The following PEX1 variants were observed in gnomAD, a reference collection of about 807,000 sequenced individuals.
PEX1 encodes the protein peroxisomal biogenesis factor 1, also known as peroxisomal ATPase PEX1.
PEX1 carries 97 observed loss-of-function variants against 152.5 expected under a neutral mutation model. The ratio of observed to expected loss-of-function variants is 0.64; its 90% CI spans 0.54 to 0.75. The LOEUF (loss-of-function observed/expected upper bound fraction) is 0.75, where lower values mean the gene tolerates loss of function less well. PEX1 is among the 30% of genes least tolerant of loss of function. The pLI is 0.00. For missense variants in PEX1, 1,357 were observed against 1,516.3 expected (o/e 0.89, Z 1.74); for synonymous variants, 485 against 531.6 (o/e 0.91, Z 1.21).
rs1236764060 is a variant in PEX1 at position 92,517,371 on chromosome 7, A to G, written c.1144T>C (p.Cys382Arg). Residue 382 changes from cysteine to arginine, a missense_variant, in exon 5 of 24, where the codon TGT (cysteine) becomes CGT (arginine). By Grantham distance (180) the Cys-to-Arg change is radical. Transcript: ENST00000248633. ...CCATTCCAGACTACTTGTAGCACAC[A>G]GGCCTTCTCATCTTCTTCATTATGA... The part of the protein sequence containing the change: ...SDHNEEDEKA[C>R]VLQVVWNGLE... 1.2e-6 allele frequency: 2 copies of G among 1,613,570 alleles called. No homozygotes were observed. The highest frequency in any genetic ancestry group is 1.7e-6 in the Non-Finnish European group (2 of 1,179,748).
intron 23 of PEX1, among the ~76,000 whole-genome samples, chr7:92,488,773 A>G (rs2116034003): frequency 6.8e-6 from 1 of 147,162 alleles, no homozygotes; most frequent in African/African-American, 2.5e-5. Context: ...TCTGTGGCCC[A>G]GGCTGGATGG....
At position 92,517,606 on chromosome 7, in the gene PEX1, G is replaced by A; in HGVS notation, c.909C>T (p.Thr303=). Residue 303 remains threonine, a synonymous_variant, in exon 5 of 24, where the codon ACC becomes ACT. Transcript: ENST00000248633. ...TGGCACAGTGTTTATGAAAAACAGAGGTTGCTGACGCGTTATATATACTAG... is the reference window on the plus strand; with the variant it reads ...TGGCACAGTGTTTATGAAAAACAGAAGTTGCTGACGCGTTATATATACTAG... The part of the protein sequence containing the change: ...QPPSIYNASA[T]SVFHKHCAIH... 1 of 1,613,994 alleles carries A rather than the reference G, an allele frequency of 6.2e-7. No individual in the cohort carries two copies. Among genetic ancestry groups the A allele is most frequent in the Non-Finnish European group, 8.5e-7 (1 of 1,179,956 alleles).
At chr7:92,519,685 C>T (rs1323593297) in intron 2 of PEX1, among the ~76,000 whole-genome samples, 1 of 152,022 alleles carries the variant, frequency 6.6e-6, no homozygotes, top group Non-Finnish European at 1.5e-5. Flanking sequence ...GTGAAAAATA[C>T]ACTGAAATAG....
chr7:92,508,584 A>G (rs1287452633), intron 9 of PEX1, among the ~76,000 whole-genome samples: 1 of 151,696 alleles, frequency 6.6e-6, no homozygotes, highest in Non-Finnish European at 1.5e-5. Flanking sequence ...ACACTGTGCT[A>G]TAAACATTTT....
At chr7:92,510,049 C>T (rs780205762) in intron 8 of PEX1, among the ~76,000 whole-genome samples, 19 of 151,424 alleles carry the variant, frequency 1.3e-4, no homozygotes, top group Admixed American at 5.3e-4. Context: ...GAAGCTGAGG[C>T]AGGAGAATCA....
chr7:92,506,158 T>C, intron 11 of PEX1, 90 bp downstream of exon 11: 2 of 778,812 alleles, frequency 2.6e-6, no homozygotes, highest in Non-Finnish European at 4.7e-6. Context: ...CTAGATGATA[T>C]GTGTATTTAT....
chr7:92,500,294 A>C (rs952117489), intron 15 of PEX1, among the ~76,000 whole-genome samples: 1 of 152,216 alleles, frequency 6.6e-6, no homozygotes, highest in Admixed American at 6.5e-5. Flanking sequence ...GTTACCTTTT[A>C]AGGCACCACT....
chr7:92,514,396 T>G lies in PEX1; in HGVS notation c.1240-429A>C, dbSNP rs118067787. Among the ~76,000 whole-genome samples, 7 of 152,340 alleles carry G rather than the reference T, an allele frequency of 4.6e-5. No individual in the cohort carries two copies. The East Asian group carries it at 1.3e-3, about 29-fold the overall frequency. On this transcript the variant is annotated intron_variant, in intron 5 of 23. Transcript: ENST00000248633. ...GAACATTTCAATCCTCTCCCTACAT[T>G]TCTTTCCTTTTCTTTACATAATCTT...
rs775491706 is a variant in PEX1 at position 92,506,273 on chromosome 7, C to G, written c.1875G>C (p.Glu625Asp). Residue 625 changes from glutamate (E) to aspartate (D), a missense_variant, in exon 11 of 24, where the codon GAG (glutamate) becomes GAC (aspartate). Coordinates refer to ENST00000248633, the MANE Select transcript of PEX1 (RefSeq NM_000466.3). ...EAFDKLDAHV[E>D]RVDCKALRGK... ...CTCGTAAAGCTTTACAGTCAACTCT[C>G]TCCACATGGGCATCCAGTTTGTCAA... 1 of 1,607,078 alleles carries G rather than the reference C, an allele frequency of 6.2e-7. No individual in the cohort carries two copies. The highest frequency in any genetic ancestry group is 1.7e-5 in the Admixed American group (1 of 60,006).
chr7:92,526,367 C>T (rs1793268875), intron 1 of PEX1, among the ~76,000 whole-genome samples: 1 of 152,172 alleles, frequency 6.6e-6, no homozygotes, highest in Non-Finnish European at 1.5e-5. Flanking sequence ...AACCATTGTT[C>T]CAACCCTTCT....
Position 92,487,348 on chromosome 7 carries a change from C to T in PEX1, c.*109G>A. 1 of 646,380 alleles carries T rather than the reference C, an allele frequency of 1.5e-6. No individual in the cohort carries two copies. Among genetic ancestry groups the T allele is most frequent in the Non-Finnish European group, 2.8e-6 (1 of 361,980 alleles). 40.0% of individuals were successfully genotyped at this position (646,380 alleles called of 1,614,324 possible). A position where few individuals can be genotyped will look rare whatever the true frequency, so the allele number is the denominator to read the frequency against. On this transcript the variant is annotated 3_prime_UTR_variant, in exon 24 of 24. Coordinates refer to ENST00000248633, the MANE Select transcript of PEX1 (RefSeq NM_000466.3). Reference sequence around the variant, plus strand: ...CCAATCTGTGATTTTATAAATTAACCAAATTTGTTAAATTAAGAAGAAATT... The same window carrying T: ...CCAATCTGTGATTTTATAAATTAACTAAATTTGTTAAATTAAGAAGAAATT...
chr7:92,509,412 C>G lies in PEX1; in HGVS notation c.1588-1G>C. On this transcript the variant is annotated splice_acceptor_variant, in intron 8 of 23. Coordinates refer to ENST00000248633, the MANE Select transcript of PEX1 (RefSeq NM_000466.3). LOFTEE classifies it high-confidence loss of function. Reference sequence around the variant, plus strand: ...CTTTTACCATAGGATCTAGAAGGACCTACAGTTGCAAGGAAAAATCAGTTT... The same window carrying G: ...CTTTTACCATAGGATCTAGAAGGACGTACAGTTGCAAGGAAAAATCAGTTT... 1 of 1,603,442 alleles carries G rather than the reference C, an allele frequency of 6.2e-7. No homozygotes were observed. Among genetic ancestry groups the G allele is most frequent in the Admixed American group, 1.7e-5 (1 of 59,986 alleles).
intron 5 of PEX1, among the ~76,000 whole-genome samples, chr7:92,516,095 G>GA (rs1554374940): frequency 2.4e-4 from 37 of 151,580 alleles, no homozygotes; most frequent in African/African-American, 8.7e-4. Context: ...GAAAAGAAAA[G>GA]AAAAGAAAAG....
intron 16 of PEX1, among the ~76,000 whole-genome samples, chr7:92,497,253 C>T (rs149110099): frequency 1.3e-5 from 2 of 152,278 alleles, no homozygotes; most frequent in East Asian, 3.9e-4. Context: ...GTGCCAGAAA[C>T]AGTGTCTGCC....
chr7:92,494,971 A>G (rs1791580934), intron 17 of PEX1, among the ~76,000 whole-genome samples: 1 of 151,872 alleles, frequency 6.6e-6, no homozygotes, highest in Non-Finnish European at 1.5e-5. Flanking sequence ...CAAAACAAAA[A>G]CTGACTCTTA....
chr7:92,507,756 C>T (rs1792272195), intron 9 of PEX1: 1 of 151,798 alleles, frequency 6.6e-6, no homozygotes, highest in South Asian at 2.1e-4. Context: ...AATTCTCCTG[C>T]CTTAGCCTCC....
intron 15 of PEX1, 62 bp downstream of exon 15, chr7:92,501,445 A>C: frequency 7.1e-7 from 1 of 1,409,666 alleles, no homozygotes; most frequent in South Asian, 1.2e-5. Flanking sequence ...CATAAAGCCA[A>C]AGCCAATAAT....
Position 92,528,401 on chromosome 7 carries a change from C to G in PEX1, c.35G>C (p.Gly12Ala), listed in dbSNP as rs747408581. Residue 12 changes from glycine to alanine, a missense_variant, in exon 1 of 24, where the codon GGA becomes GCA. Transcript: ENST00000248633. ...WGSDRLAGAG[G>A]GGAAVTVAFT... ...GGCCACAGTCACTGCCGCCCCGCCT[C>G]CCCCAGCACCCGCCAGGCGATCGCT... The G allele has an allele frequency of 8.1e-6, 13 of 1,595,636 alleles. No homozygotes were observed. The highest frequency in any genetic ancestry group is 1.1e-5 in the Non-Finnish European group (13 of 1,172,638).
chr7:92,493,076 A>T lies in PEX1; in HGVS notation c.3084T>A (p.Asp1028Glu), dbSNP rs984673003. The T allele has an allele frequency of 1.9e-6, 3 of 1,613,018 alleles. No individual in the cohort carries two copies. The highest frequency in any genetic ancestry group is 2.5e-6 in the Non-Finnish European group (3 of 1,178,998). The stretch of plus-strand genomic sequence containing the variant: ...ATGCTACATGCTGAAGGTCAACATC[A>T]TCTGCCAGAGGTAGAGAGTCACTGA... ...NVLSDSLPLA[D>E]DVDLQHVASV... Residue 1028 changes from aspartate to glutamate, a missense_variant, in exon 20 of 24, where the codon GAT (aspartate) becomes GAA (glutamate). By Grantham distance (45) the Asp-to-Glu change is conservative (BLOSUM62 2). Transcript: ENST00000248633.
Sources: allele counts gnomAD v4.1 joint callset (sites outside exome capture counted in the v4.1 genomes callset), GRCh38; gene constraint gnomAD v4.1.1; transcripts MANE v1.5; gene names NCBI Gene and HGNC (gene_info 2026-07-23, HGNC 2026-07-21).